The following TPM4 variants were observed in gnomAD, a reference collection of about 807,000 sequenced individuals.
TPM4 encodes tropomyosin alpha-4 chain.
TPM4 carries 17 observed loss-of-function variants against 35.8 expected under a neutral mutation model. The ratio of observed to expected loss-of-function variants is 0.47; its 90% CI spans 0.32 to 0.71. TPM4 has a LOEUF of 0.71. Ranked by LOEUF, TPM4 falls within the 30% of genes least tolerant of loss-of-function variation. TPM4 has a pLI of 0.03. For missense variants in TPM4, 240 were observed against 320.9 expected (o/e 0.75, Z 1.93); for synonymous variants, 120 against 122.9 (o/e 0.98, Z 0.15).
intron 2 of TPM4, among the ~76,000 whole-genome samples, chr19:16,069,220 T>C (rs1437258504): frequency 3.3e-5 from 5 of 152,168 alleles, no homozygotes; most frequent in East Asian, 1.9e-4. Flanking sequence ...TTGGGGTGTG[T>C]GTGCATGTTT....
chr19:16,102,281 G>A lies in TPM4; in HGVS notation c.*935G>A, dbSNP rs2144970908. Reference sequence around the variant, plus strand: ...TTGAACCCAGGAAGTGGAGACTGCAGTGAGCCGATATCGCACCACAGCGCT... The same window carrying A: ...TTGAACCCAGGAAGTGGAGACTGCAATGAGCCGATATCGCACCACAGCGCT... On this transcript the variant is annotated 3_prime_UTR_variant, in exon 8 of 8. Transcript: ENST00000643579. 2 of 192,652 alleles carry A rather than the reference G, an allele frequency of 1.0e-5. No individual in the cohort carries two copies. The highest frequency in any genetic ancestry group is 3.9e-4 in the South Asian group (2 of 5,178). 11.9% of individuals were successfully genotyped at this position (192,652 alleles called of 1,614,324 possible).
chr19:16,095,576 T>C, intron 7 of TPM4: 1 of 1,012,106 alleles, frequency 9.9e-7, no homozygotes, highest in South Asian at 4.7e-5. Flanking sequence ...CCCTTAACCA[T>C]AGCCTGAAAC....
rs952848992 is a variant in TPM4, at chr19:16,070,471, C to T, written c.114+2733C>T. Among the ~76,000 whole-genome samples, 1 of 152,182 alleles carries T rather than the reference C, an allele frequency of 6.6e-6. No homozygotes were observed. Among genetic ancestry groups the T allele is most frequent in the African/African-American group, 2.4e-5 (1 of 41,444 alleles). On this transcript the variant is annotated intron_variant, in intron 2 of 2. Coordinates refer to the TPM4 transcript ENST00000589897. The surrounding 1 kb of genome is among the most constrained non-coding windows in gnomAD (Gnocchi z 7.4). ...GCCTAGGACCATGGCACCGAGTGCC[C>T]AGCCCCACCCAGGCCAGGAGCCAGG...
Position 16,076,686 on chromosome 19 carries a change from C to T in TPM4, c.121C>T (p.Arg41Trp). ...GCGGGAGCTGGACGGCGAGCGCGAG[C>T]GGCGCGAGAAAGTGAGCGCCCCGGC... ...LQRELDGERERREKAEGDVAA... is the reference protein window; with the variant it reads ...LQRELDGEREWREKAEGDVAA... The change falls in exon 1 of 8, where the codon CGG becomes TGG. Residue 41 changes from arginine to tryptophan, a missense_variant. By Grantham distance (101) the Arg-to-Trp change is moderately radical. Transcript: ENST00000643579. 7.3e-7 allele frequency: 1 copy of T among 1,364,708 alleles called. No homozygotes were observed. The highest frequency in any genetic ancestry group is 9.4e-7 in the Non-Finnish European group (1 of 1,059,958). The allele number at this position is 1,364,708 out of a possible 1,614,324, so 84.5% of individuals were successfully genotyped here. A position where few individuals can be genotyped will look rare whatever the true frequency, so the allele number is the denominator to read the frequency against.
intron 7 of TPM4, among the ~76,000 whole-genome samples, chr19:16,096,390 ATTGTTGTGAATGGAGGCTCATCC>A (rs1434013983): frequency 6.6e-6 from 1 of 152,156 alleles, no homozygotes; most frequent in Non-Finnish European, 1.5e-5. Flanking sequence ...TTAAATAGAA[ATTGTTGTGAATGGAGGCTCATCC>A]TTGTAAACCG....
intron 1 of TPM4, chr19:16,079,891 G>C (rs8108396): frequency 0.41 from 71,963 of 175,036 alleles, 15,309 homozygotes; most frequent in East Asian, 0.73. Flanking sequence ...TAGTAGAGAT[G>C]CGGTTTCACC....
At chr19:16,080,526 C>T (rs1313009709) in intron 1 of TPM4, 2 of 192,496 alleles carry the variant, frequency 1.0e-5, no homozygotes, top group Non-Finnish European at 2.2e-5. Flanking sequence ...AATGACAAAG[C>T]ACGGTCGGGC....
chr19:16,068,071 T>C (rs946881724), intron 2 of TPM4: 2 of 395,736 alleles, frequency 5.1e-6, no homozygotes, highest in African/African-American at 2.1e-5. Flanking sequence ...GTTGGGGACA[T>C]GCTGTGTGTG....
At chr19:16,078,875 G>T (rs2090446531) in intron 1 of TPM4, among the ~76,000 whole-genome samples, 1 of 151,104 alleles carries the variant, frequency 6.6e-6, no homozygotes, top group African/African-American at 2.4e-5. Context: ...GAATAAGCCA[G>T]GAGCCGGCGT....
chr19:16,076,632 G>C lies in TPM4; in HGVS notation c.67G>C (p.Glu23Gln), dbSNP rs1205262337. ...CCAGGCCCTGCAGCAGCAGGCGGAC[G>C]AGGCGGAAGACCGCGCGCAGGGCCT... is the stretch of plus-strand genomic sequence containing the variant. ...KIQALQQQAD[E>Q]AEDRAQGLQR... The change falls in exon 1 of 8, where the codon GAG becomes CAG. Residue 23 changes from glutamate (E) to glutamine (Q), a missense_variant. Glu to Gln is a conservative substitution (Grantham distance 29). Coordinates refer to ENST00000643579, the MANE Select transcript of TPM4 (RefSeq NM_003290.3). 6.9e-7 allele frequency: 1 copy of C among 1,458,526 alleles called. No individual in the cohort carries two copies. The highest frequency in any genetic ancestry group is 1.5e-5 in the African/African-American group (1 of 67,888). 90.3% of individuals were successfully genotyped at this position (1,458,526 alleles called of 1,614,324 possible).
chr19:16,069,559 T>A (rs2090334027), intron 2 of TPM4, among the ~76,000 whole-genome samples: 1 of 151,662 alleles, frequency 6.6e-6, no homozygotes, highest in East Asian at 1.9e-4. Flanking sequence ...TGAGTGTGTG[T>A]TTCTATTGGT....
Position 16,067,802 on chromosome 19 carries a change from G to C in TPM4, c.114+64G>C. 1 of 1,510,142 alleles carries C rather than the reference G, an allele frequency of 6.6e-7. No individual in the cohort carries two copies. 93.5% of individuals were successfully genotyped at this position (1,510,142 alleles called of 1,614,324 possible). A position where few individuals can be genotyped will look rare whatever the true frequency, so the allele number is the denominator to read the frequency against. Reference sequence around the variant, plus strand: ...AGTCCTCTCTGTGCGGAAGGCCGGGGTCTGGAGCCCAGTTGGGGGTCGCAG... The same window carrying C: ...AGTCCTCTCTGTGCGGAAGGCCGGGCTCTGGAGCCCAGTTGGGGGTCGCAG... On this transcript the variant is annotated intron_variant, in intron 2 of 2. Coordinates refer to the TPM4 transcript ENST00000589897. This position sits in a 1 kb window ranked among gnomAD's most constrained non-coding sequence, Gnocchi z 4.1.
At chr19:16,094,995 G>A (rs930603781) in intron 7 of TPM4, among the ~76,000 whole-genome samples, 1 of 152,184 alleles carries the variant, frequency 6.6e-6, no homozygotes, top group African/African-American at 2.4e-5. Context: ...CCAGTGGGGG[G>A]AAGCTCTGTC....
intron 2 of TPM4, among the ~76,000 whole-genome samples, chr19:16,084,684 C>T (rs2090525623): frequency 6.6e-6 from 1 of 152,162 alleles, no homozygotes; most frequent in Non-Finnish European, 1.5e-5. Flanking sequence ...CTGGCACTTT[C>T]TATGGAGCCT....
At chr19:16,079,069 G>T in intron 1 of TPM4, among the ~76,000 whole-genome samples, 1 of 152,136 alleles carries the variant, frequency 6.6e-6, no homozygotes, top group Non-Finnish European at 1.5e-5. Context: ...AAATGACTCG[G>T]CCGTGACTAG....
upstream of TPM4, chr19:16,075,679 A>T: frequency 5.3e-6 from 1 of 187,322 alleles, no homozygotes; most frequent in Middle Eastern, 2.4e-3. Flanking sequence ...ATCCACGCGC[A>T]GAGAATGAGA....
chr19:16,084,435 C>T (rs910517692), intron 2 of TPM4, among the ~76,000 whole-genome samples: 1 of 152,180 alleles, frequency 6.6e-6, no homozygotes, highest in Non-Finnish European at 1.5e-5. Context: ...GACCCAGTCA[C>T]GAGAGTTCCT....
rs147905162 is a variant in TPM4, at chr19:16,069,538, T to TGATTCTATTGAGGTG, written c.114+1800_114+1801insGATTCTATTGAGGTG. 7.9e-5 allele frequency among the ~76,000 whole-genome samples: 5 copies of TGATTCTATTGAGGTG among 62,900 alleles called. 2 individuals carry two copies. Among genetic ancestry groups the TGATTCTATTGAGGTG allele is most frequent in the African/African-American group, 1.5e-4 (2 of 13,766 alleles). 41.3% of individuals were successfully genotyped at this position (62,900 alleles called of 152,430 possible). On this transcript the variant is annotated intron_variant, in intron 2 of 2. Coordinates refer to the TPM4 transcript ENST00000589897. Reference sequence around the variant, plus strand: ...GTGTTTCTATTGGTGTGTATGTGTGTTGTGTGTGGATGAGTGTGTGTTTCT... The same window carrying TGATTCTATTGAGGTG: ...GTGTTTCTATTGGTGTGTATGTGTGTGATTCTATTGAGGTGTGTGTGTGGATGAGTGTGTGTTTCT...
chr19:16,074,863 G>C (rs931466701), upstream of TPM4: 1 of 152,308 alleles, frequency 6.6e-6, no homozygotes, highest in Non-Finnish European at 1.5e-5. Flanking sequence ...AGGCCGAGGC[G>C]GGCAGATCAC....
Sources: gnomAD v4.1 joint callset for allele counts (sites outside exome capture counted in the v4.1 genomes callset) on GRCh38, gnomAD v4.1.1 for gene constraint, Gnocchi (gnomAD v3.1) non-coding constraint, MANE v1.5 for transcripts, NCBI Gene and HGNC (gene_info 2026-07-23, HGNC 2026-07-21) for gene names.